Variants in MAST4 observed in about 807,000 individuals in gnomAD.
MAST4 encodes the protein microtubule-associated serine/threonine-protein kinase 4.
MAST4 carries 89 observed loss-of-function variants against 162.7 expected under a neutral mutation model. The observed-to-expected ratio is 0.55, with a 90% CI of 0.46 to 0.65. MAST4 has a LOEUF of 0.65. Among genes scored for constraint, MAST4 ranks in the 30% least tolerant of loss-of-function variants. The pLI, the probability that MAST4 is intolerant of heterozygous loss-of-function variation, is 0.00. For synonymous variants in MAST4, 1,479 were observed against 1,361.1 expected, an observed-to-expected ratio of 1.09 and a Z score of -1.91; for missense variants, 3,153 against 3,374.0, an observed-to-expected ratio of 0.93 and a Z score of 1.62.
At chr5:67,029,263 G>T (rs937906767) in intron 4 of MAST4, among the ~76,000 whole-genome samples, 1 of 152,176 alleles carries the variant, frequency 6.6e-6, no homozygotes, top group Non-Finnish European at 1.5e-5. Flanking sequence ...TAAGGTTTCT[G>T]GCCCTCTGCA....
At chr5:66,788,607 C>CCCACCAAAAAAAAAAAAAA in intron 2 of MAST4, 63 bp from the exon 3 acceptor site, 8 of 1,373,720 alleles carry the variant, frequency 5.8e-6, no homozygotes, top group African/African-American at 1.5e-5. Context: ...CCCCCACCCC[C>CCCACCAAAAAAAAAAAAAA]ATTGCAATAA....
chr5:66,768,224 C>T (rs921688012), intron 2 of MAST4, among the ~76,000 whole-genome samples: 23 of 152,074 alleles, frequency 1.5e-4, no homozygotes, highest in Admixed American at 1.3e-3. Context: ...CATCTTAATG[C>T]GGGAGTCAGG....
rs1753754596 is a variant in MAST4, at chr5:66,759,861, T to A, written c.516T>A (p.Thr172=). The A allele has an allele frequency of 6.2e-7, 1 of 1,613,680 alleles. No homozygotes were observed. Among genetic ancestry groups the A allele is most frequent in the East Asian group, 2.2e-5 (1 of 44,868 alleles). The change falls in exon 2 of 29, where the codon ACT becomes ACA. Residue 172 remains threonine (T), a splice_region_variant and synonymous_variant. Coordinates refer to ENST00000403625, the MANE Select transcript of MAST4 (RefSeq NM_001164664.2). ...GAGGGAGCCTGGGAGGAGCCCTGAC[T>A]GGTGAGTCGCAGCGGCTTGGATGAG... The part of the protein sequence containing the change: ...LRRGSLGGAL[T]GRYLLPNPVA...
chr5:66,949,452 T>C, intron 4 of MAST4, among the ~76,000 whole-genome samples: 1 of 152,152 alleles, frequency 6.6e-6, no homozygotes, highest in Admixed American at 6.6e-5. Context: ...ACTCGGCACT[T>C]CTTTTTCCTG....
chr5:66,712,031 T>A (rs1205457960), intron 1 of MAST4, among the ~76,000 whole-genome samples: 3 of 152,210 alleles, frequency 2.0e-5, no homozygotes, highest in African/African-American at 7.2e-5. Flanking sequence ...ACCTGTTGTG[T>A]GAAGATACTA....
intron 4 of MAST4, among the ~76,000 whole-genome samples, chr5:66,995,378 G>C (rs951065136): frequency 6.6e-6 from 1 of 152,122 alleles, no homozygotes; most frequent in Non-Finnish European, 1.5e-5. Flanking sequence ...ACTGTCAAAT[G>C]TGTGGCTCCT....
chr5:67,020,560 G>A (rs774736373), intron 4 of MAST4, among the ~76,000 whole-genome samples: 9 of 152,230 alleles, frequency 5.9e-5, no homozygotes, highest in Non-Finnish European at 1.0e-4. Flanking sequence ...CAAGAAGGAA[G>A]GATTTAGACT....
chr5:66,666,436 C>T (rs1232689580), intron 1 of MAST4, among the ~76,000 whole-genome samples: 2 of 152,176 alleles, frequency 1.3e-5, no homozygotes, highest in African/African-American at 4.8e-5. Flanking sequence ...AAAAATTGCA[C>T]AAATCACACC....
rs528760673 is a variant in MAST4, at chr5:66,602,241, G to T, written c.363+5223G>T. Among the ~76,000 whole-genome samples, 13 of 152,256 alleles carry T rather than the reference G, an allele frequency of 8.5e-5. No homozygotes were observed. In the South Asian group the frequency reaches 1.0e-3, roughly 12 times the overall value. ...AAATTTCAGGGACAGATTTACCTGG[G>T]GTGAGCATGAAGGGAGATGGTCTGA... On this transcript the variant is annotated intron_variant, in intron 1 of 28. Transcript: ENST00000403625.
chr5:66,982,291 C>T (rs1407223356), intron 4 of MAST4, among the ~76,000 whole-genome samples: 1 of 152,158 alleles, frequency 6.6e-6, no homozygotes, highest in Non-Finnish European at 1.5e-5. Flanking sequence ...TTTAACTTCT[C>T]CATTTTTCCT....
At chr5:66,844,954 A>G (rs1274351587) in intron 3 of MAST4, among the ~76,000 whole-genome samples, 1 of 151,528 alleles carries the variant, frequency 6.6e-6, no homozygotes, top group Non-Finnish European at 1.5e-5. Flanking sequence ...AGAGATAACA[A>G]TCTAGGTGTC....
intron 4 of MAST4, among the ~76,000 whole-genome samples, chr5:66,976,730 G>C (rs1421519506): frequency 6.6e-6 from 1 of 152,178 alleles, no homozygotes; most frequent in African/African-American, 2.4e-5. Context: ...GGAGATTTTG[G>C]TGTGATGATT....
chr5:67,134,840 G>A (rs562896955), intron 18 of MAST4, among the ~76,000 whole-genome samples, 152 bp downstream of exon 18: 1 of 152,298 alleles, frequency 6.6e-6, no homozygotes, highest in Admixed American at 6.5e-5. Context: ...GCATATAACT[G>A]ACATTCTTAA....
At chr5:66,871,444 G>A (rs1232423157) in intron 3 of MAST4, among the ~76,000 whole-genome samples, 4 of 152,168 alleles carry the variant, frequency 2.6e-5, no homozygotes, top group Non-Finnish European at 4.4e-5. Flanking sequence ...TGTTATGTAC[G>A]TGTTGAGAAT....
In MAST4 at chr5:67,104,566, G is replaced by T; in HGVS notation, c.1347G>T (p.Leu449Phe). The T allele has an allele frequency of 6.2e-7, 1 of 1,612,482 alleles. No individual in the cohort carries two copies. The highest frequency in any genetic ancestry group is 8.5e-7 in the Non-Finnish European group (1 of 1,179,054). Residue 449 changes from leucine to phenylalanine, a missense_variant, in exon 10 of 29, where the codon TTG (leucine) becomes TTT (phenylalanine). Leu to Phe is a conservative substitution (Grantham distance 22). Around this residue, in one of 7 missense-constraint regions of MAST4, gnomAD observed 360 missense variants for 450.0 expected, o/e 0.80. Transcript: ENST00000403625. Reference sequence around the variant, plus strand: ...AATTACAGCACAAATTAGATAAGTTGCTACAGGAGGTAAGAACCATGTACC... The same window carrying T: ...AATTACAGCACAAATTAGATAAGTTTCTACAGGAGGTAAGAACCATGTACC... ...FLELQHKLDK[L>F]LQEAHDRSES...
At chr5:66,950,772 T>C (rs572621234) in intron 4 of MAST4, among the ~76,000 whole-genome samples, 2 of 152,200 alleles carry the variant, frequency 1.3e-5, no homozygotes, top group Non-Finnish European at 2.9e-5. Flanking sequence ...TCTGAGTTCC[T>C]GCCTCCATTA....
At chr5:67,046,250 G>GT (rs2150513498) in intron 4 of MAST4, among the ~76,000 whole-genome samples, 1 of 152,254 alleles carries the variant, frequency 6.6e-6, no homozygotes, top group Non-Finnish European at 1.5e-5. Context: ...TAAGCAACAA[G>GT]TGACTGTATT....
intron 4 of MAST4, among the ~76,000 whole-genome samples, chr5:67,052,855 C>T (rs1475560629): frequency 6.6e-6 from 1 of 152,026 alleles, no homozygotes; most frequent in East Asian, 1.9e-4. Flanking sequence ...CTATTAACAT[C>T]AGCAAGTTAA....
intron 4 of MAST4, among the ~76,000 whole-genome samples, chr5:66,927,691 G>A (rs1765004852): frequency 6.6e-6 from 1 of 152,196 alleles, no homozygotes; most frequent in South Asian, 2.1e-4. Context: ...GCAATGTACT[G>A]GACCCAGGAA....
Sources: gnomAD v4.1 joint callset for allele counts (sites outside exome capture counted in the v4.1 genomes callset) on GRCh38, gnomAD v4.1.1 for gene constraint, gnomAD v4.1.1 regional missense constraint, MANE v1.5 for transcripts, NCBI Gene and HGNC (gene_info 2026-07-23, HGNC 2026-07-21) for gene names.